Variants in MAMLD1 observed in about 807,000 individuals in gnomAD.
The protein encoded by MAMLD1 is mastermind-like domain-containing protein 1.
Under a neutral mutation model 45.0 loss-of-function variants are expected in MAMLD1, and 14 were observed. The ratio of observed to expected loss-of-function variants is 0.31; its 90% CI spans 0.21 to 0.49. MAMLD1 has a LOEUF of 0.49. Among genes scored for constraint, MAMLD1 ranks in the 20% least tolerant of loss-of-function variants. MAMLD1 has a pLI of 0.99. For synonymous variants in MAMLD1, 254 were observed against 247.8 expected (o/e 1.02, Z -0.24); for missense variants, 543 against 603.6 (o/e 0.90, Z 1.05).
chrX:150,374,682 C>T (rs2032214242), intron 1 of MAMLD1, among the ~76,000 whole-genome samples: 2 of 111,566 alleles, frequency 1.8e-5, no homozygotes, highest in South Asian at 7.6e-4. Context: ...AGGATCTAGA[C>T]AGTTTTAGAG....
chrX:150,469,764 A>G lies in MAMLD1; in HGVS notation c.191A>G (p.Gln64Arg). 8.3e-7 allele frequency: 1 copy of G among 1,210,318 alleles called. No individual in the cohort carries two copies. The highest frequency in any genetic ancestry group is 1.1e-6 in the Non-Finnish European group (1 of 894,981). ...RKHQGTVKRR[Q>R]EEDHFQFPDM... Reference sequence around the variant, plus strand: ...TCACAGGGAACTGTTAAGAGGAGACAAGAAGAAGACCACTTCCAGTTTCCA... The same window carrying G: ...TCACAGGGAACTGTTAAGAGGAGACGAGAAGAAGACCACTTCCAGTTTCCA... Residue 64 changes from glutamine to arginine, a missense_variant, in exon 4 of 8, where the codon CAA becomes CGA. Transcript: ENST00000370401.
chrX:150,380,248 A>G (rs971566605), intron 1 of MAMLD1, among the ~76,000 whole-genome samples: 7 of 111,942 alleles, frequency 6.3e-5, no homozygotes, highest in Non-Finnish European at 1.1e-4. Context: ...ATCTCAGTGT[A>G]GTTTAATTAG....
At chrX:150,379,254 A>G (rs1014258336) in intron 1 of MAMLD1, among the ~76,000 whole-genome samples, 10 of 111,970 alleles carry the variant, frequency 8.9e-5, no homozygotes, top group South Asian at 3.7e-4. Flanking sequence ...ACAGTGAGAA[A>G]TCTCTCTGCC....
intron 1 of MAMLD1, among the ~76,000 whole-genome samples, chrX:150,398,293 G>GAAGAAGAAC (rs1569564557): frequency 5.7e-5 from 5 of 87,656 alleles, no homozygotes; most frequent in African/African-American, 2.2e-4. Context: ...AGAAGAAGAA[G>GAAGAAGAAC]AAGAAGAAGA....
intron 1 of MAMLD1, among the ~76,000 whole-genome samples, chrX:150,440,295 A>C (rs368617455): frequency 9.2e-6 from 1 of 108,956 alleles, no homozygotes; most frequent in South Asian, 3.9e-4. Flanking sequence ...TTTTGTGTCT[A>C]TATTCATGGG....
intron 1 of MAMLD1, among the ~76,000 whole-genome samples, chrX:150,394,029 T>C (rs1037584189): frequency 2.4e-4 from 27 of 110,435 alleles, no homozygotes; most frequent in African/African-American, 8.9e-4. Context: ...TTTTTTCTTA[T>C]GTTATGCTCC....
At chrX:150,406,643 G>A (rs781882482) in intron 1 of MAMLD1, among the ~76,000 whole-genome samples, 1 of 111,760 alleles carries the variant, frequency 8.9e-6, no homozygotes, top group Non-Finnish European at 1.9e-5. Context: ...GCTGGGTTTG[G>A]GGCCCTTCAT....
rs2037625613 is a variant in MAMLD1 at position 150,503,446 on chromosome X, C to T, written c.2213C>T (p.Pro738Leu). 8.3e-7 allele frequency: 1 copy of T among 1,211,587 alleles called. No individual in the cohort carries two copies. Among genetic ancestry groups the T allele is most frequent in the Admixed American group, 2.2e-5 (1 of 46,122 alleles). ...TCGTACAGCACCTCAGAGGCAGCGCCCTGGGGCAGCTGGGATCCGAAGGCC... is the reference window on the plus strand; with the variant it reads ...TCGTACAGCACCTCAGAGGCAGCGCTCTGGGGCAGCTGGGATCCGAAGGCC... ...TSSYSTSEAA[P>L]WGSWDPKAWR... Residue 738 changes from proline (P) to leucine (L), a missense_variant, in exon 6 of 8, where the codon CCC becomes CTC. By Grantham distance (98) the Pro-to-Leu change is moderately conservative (BLOSUM62 -3). Transcript: ENST00000370401.
chrX:150,460,259 C>T (rs781819592), intron 2 of MAMLD1, among the ~76,000 whole-genome samples: 2 of 111,751 alleles, frequency 1.8e-5, no homozygotes, highest in African/African-American at 3.2e-5. Context: ...CTTGGGAAGG[C>T]TTTCCCACTC....
intron 1 of MAMLD1, among the ~76,000 whole-genome samples, chrX:150,367,821 G>C (rs1243045597): frequency 9.5e-6 from 1 of 105,604 alleles, no homozygotes; most frequent in Admixed American, 1.1e-4. Flanking sequence ...TTGGTTTTTT[G>C]TCCTTGCGAT....
intron 2 of MAMLD1, among the ~76,000 whole-genome samples, chrX:150,452,819 T>C (rs1209177526): frequency 2.0e-5 from 2 of 97,966 alleles, no homozygotes; most frequent in African/African-American, 7.6e-5. Context: ...GATCTCATTG[T>C]TCAATTCCCA....
At chrX:150,499,102 G>A (rs1459113112) in intron 5 of MAMLD1, among the ~76,000 whole-genome samples, 3 of 111,942 alleles carry the variant, frequency 2.7e-5, no homozygotes, top group African/African-American at 9.7e-5. Flanking sequence ...AACGGAGGTT[G>A]GCTTCTGAAG....
intron 2 of MAMLD1, among the ~76,000 whole-genome samples, chrX:150,452,955 G>T (rs782178425): frequency 9.0e-6 from 1 of 110,872 alleles, no homozygotes; most frequent in Non-Finnish European, 1.9e-5. Context: ...GAGAACGGGC[G>T]CACAATGAGA....
chrX:150,434,784 T>C (rs1376058695), intron 1 of MAMLD1, among the ~76,000 whole-genome samples: 8 of 112,354 alleles, frequency 7.1e-5, no homozygotes. Context: ...ATGGTTGGCA[T>C]GATTTCAGTT....
At chrX:150,463,047 T>C (rs1348694282) in intron 3 of MAMLD1, among the ~76,000 whole-genome samples, 7 of 112,469 alleles carry the variant, frequency 6.2e-5, no homozygotes, top group African/African-American at 2.3e-4. Context: ...CTGCCTCCAC[T>C]TCTCCCTTTG....
chrX:150,456,710 ACACGTCTCTTGCTGCTTCTGGC>A (rs1216330406), intron 2 of MAMLD1, among the ~76,000 whole-genome samples: 1 of 112,419 alleles, frequency 8.9e-6, no homozygotes, highest in Non-Finnish European at 1.9e-5. Flanking sequence ...CATTGTGCAG[ACACGTCTCTTGCTGCTTCTGGC>A]CATGTTGTTC....
chrX:150,382,381 A>G (rs1241320749), intron 1 of MAMLD1, among the ~76,000 whole-genome samples: 1 of 111,810 alleles, frequency 8.9e-6, no homozygotes, highest in East Asian at 2.8e-4. Flanking sequence ...GTCTTGACTA[A>G]TGTAGCCATA....
intron 1 of MAMLD1, among the ~76,000 whole-genome samples, chrX:150,403,940 A>AGAAGAAAGAAAGAAAG (rs2033897103): frequency 1.7e-5 from 1 of 58,882 alleles, no homozygotes; most frequent in East Asian, 4.9e-4. Flanking sequence ...AGAAAGAAAG[A>AGAAGAAAGAAAGAAAG]AAAGAAAGAA....
intron 2 of MAMLD1, among the ~76,000 whole-genome samples, chrX:150,460,347 A>G (rs1557405555): frequency 1.8e-5 from 2 of 112,441 alleles, no homozygotes; most frequent in Non-Finnish European, 1.9e-5. Context: ...CCTCACCACA[A>G]GGGCACCTGG....
Sources: allele counts gnomAD v4.1 joint callset (sites outside exome capture counted in the v4.1 genomes callset), GRCh38; gene constraint gnomAD v4.1.1; transcripts MANE v1.5; gene names NCBI Gene and HGNC (gene_info 2026-07-23, HGNC 2026-07-21).